The following RIPOR2 variants were observed in gnomAD, a reference collection of about 807,000 sequenced individuals.
The protein encoded by RIPOR2 is rho family-interacting cell polarization regulator 2.
A neutral mutation model predicts 114.5 loss-of-function variants in RIPOR2; 39 were observed. The observed-to-expected ratio is 0.34, with a 90% CI of 0.26 to 0.44. The LOEUF is 0.44. RIPOR2 is among the 20% of genes least tolerant of loss of function. The pLI is 1.00. For synonymous variants in RIPOR2, 445 were observed against 484.4 expected, an observed-to-expected ratio of 0.92 and a Z score of 1.07; for missense variants, 1,007 against 1,255.1, an observed-to-expected ratio of 0.80 and a Z score of 2.99.
chr6:24,934,879 A>T (rs1771653036), intron 1 of RIPOR2, among the ~76,000 whole-genome samples: 1 of 152,188 alleles, frequency 6.6e-6, no homozygotes, highest in Non-Finnish European at 1.5e-5. Context: ...AAGCTGCAAG[A>T]TGAGAACAGA....
chr6:24,810,235 A>G (rs1781055086), intron 20 of RIPOR2, among the ~76,000 whole-genome samples: 1 of 152,156 alleles, frequency 6.6e-6, no homozygotes, highest in South Asian at 2.1e-4. Context: ...CTATATCAGA[A>G]TTTCCTGGGA....
chr6:24,966,909 GTTTC>G (rs1198037572), intron 1 of RIPOR2, among the ~76,000 whole-genome samples: 1 of 152,238 alleles, frequency 6.6e-6, no homozygotes, highest in East Asian at 1.9e-4. Flanking sequence ...ATAGATATTA[GTTTC>G]TTTCTTTATG....
Position 24,806,300 on chromosome 6 carries a change from C to T in RIPOR2, c.*73G>A, listed in dbSNP as rs1780767520. On this transcript the variant is annotated 3_prime_UTR_variant, in exon 22 of 22. Transcript: ENST00000643898. ...TGTCTCTCAGGCTCTAAACAATTTC[C>T]AGCCCAAACCACAGCACCATCCTGA... is the stretch of plus-strand genomic sequence containing the variant. 1.8e-6 allele frequency: 2 copies of T among 1,088,672 alleles called. No individual in the cohort carries two copies. The highest frequency in any genetic ancestry group is 1.6e-5 in the African/African-American group (1 of 63,096). 67.4% of individuals were successfully genotyped at this position (1,088,672 alleles called of 1,614,324 possible).
chr6:24,867,653 T>C (rs951486804), intron 6 of RIPOR2, among the ~76,000 whole-genome samples: 1 of 152,214 alleles, frequency 6.6e-6, no homozygotes, highest in Non-Finnish European at 1.5e-5. Flanking sequence ...TTACTTTGTG[T>C]AGTGAGAAAG....
At chr6:25,013,407 T>G (rs1004274091) in intron 1 of RIPOR2, among the ~76,000 whole-genome samples, 1 of 152,106 alleles carries the variant, frequency 6.6e-6, no homozygotes, top group African/African-American at 2.4e-5. Context: ...AATGAGGCTA[T>G]AGCGGGGTGT....
intron 8 of RIPOR2, among the ~76,000 whole-genome samples, chr6:24,854,275 A>G (rs917528725): frequency 6.6e-6 from 1 of 152,228 alleles, no homozygotes; most frequent in Non-Finnish European, 1.5e-5. Flanking sequence ...AAGAGAGACT[A>G]TCTTATTTAA....
rs1030629115 is a variant in RIPOR2 at position 24,852,522 on chromosome 6, G to A, written c.759+53C>T. The stretch of plus-strand genomic sequence containing the variant: ...AAGCAAAATAATGACATGACAACTG[G>A]CCCCTACCCTTCAGGTCCATAATTC... On this transcript the variant is annotated intron_variant, in intron 9 of 21. Coordinates refer to ENST00000643898, the MANE Select transcript of RIPOR2 (RefSeq NM_001286445.3). 7 of 1,312,888 alleles carry A rather than the reference G, an allele frequency of 5.3e-6. No individual in the cohort carries two copies. The African/African-American group carries it at 8.8e-5, about 16-fold the overall frequency. 81.3% of individuals were successfully genotyped at this position (1,312,888 alleles called of 1,614,324 possible). A position where few individuals can be genotyped will look rare whatever the true frequency, so the allele number is the denominator to read the frequency against.
intron 12 of RIPOR2, chr6:24,847,737 G>T: frequency 1.3e-6 from 2 of 1,514,100 alleles, no homozygotes; most frequent in Non-Finnish European, 1.8e-6. Flanking sequence ...GAAGAATCAG[G>T]TTACTACATT....
At chr6:24,929,742 A>G (rs187742828) in intron 1 of RIPOR2, among the ~76,000 whole-genome samples, 27 of 152,330 alleles carry the variant, frequency 1.8e-4, no homozygotes, top group Non-Finnish European at 2.9e-4. Context: ...AAAATAAATG[A>G]GAAGTTGAAT....
At chr6:24,909,180 A>G (rs1381153211) in intron 1 of RIPOR2, among the ~76,000 whole-genome samples, 1 of 152,216 alleles carries the variant, frequency 6.6e-6, no homozygotes, top group Non-Finnish European at 1.5e-5. Context: ...GGAAGCTAGC[A>G]CAGAAAGCTA....
chr6:24,866,003 A>C (rs190450993), intron 6 of RIPOR2, among the ~76,000 whole-genome samples: 397 of 152,328 alleles, frequency 2.6e-3, no homozygotes, highest in Non-Finnish European at 4.9e-3. Context: ...TCACAATATT[A>C]GGATTTGTAA....
In RIPOR2 at chr6:24,967,909, C is replaced by CCTT. The variant is rs1561814337; in HGVS notation, c.76+73941_76+73942insAAG. On this transcript the variant is annotated intron_variant, in intron 1 of 13. Transcript: ENST00000510784. ...CCTGTCTTGGCTGCAAGATCTCAAT[C>CCTT]TTTTTTTTTTTTTTTTTTTTTTAGA... Among the ~76,000 whole-genome samples the CCTT allele has an allele frequency of 6.5e-5, 8 of 123,518 alleles. 3 individuals carry two copies. The highest frequency in any genetic ancestry group is 6.5e-5 in the African/African-American group (2 of 30,928). The allele number at this position is 123,518 out of a possible 152,430, so 81.0% of individuals were successfully genotyped here.
rs371411914 is a variant in RIPOR2, at chr6:24,902,276, G to A, written c.62-26459C>T. Among the ~76,000 whole-genome samples, 374 of 150,812 alleles carry A rather than the reference G, an allele frequency of 2.5e-3. 2 individuals carry two copies. Among genetic ancestry groups the A allele is most frequent in the African/African-American group, 8.6e-3 (353 of 40,956 alleles). On this transcript the variant is annotated intron_variant, in intron 1 of 21. Transcript: ENST00000643898. ...GTTGCCCAGGCTGGAGTACAGTGGC[G>A]CGATCTTGGCTCACTGCAACCTCCG...
chr6:25,028,170 A>G (rs895437084), intron 1 of RIPOR2, among the ~76,000 whole-genome samples: 34 of 152,208 alleles, frequency 2.2e-4, no homozygotes, highest in African/African-American at 8.0e-4. Context: ...GCGCAGGAAG[A>G]TGCAGTTTCC....
chr6:24,895,185 T>G (rs755808683), intron 1 of RIPOR2, among the ~76,000 whole-genome samples: 1 of 152,174 alleles, frequency 6.6e-6, no homozygotes, highest in Non-Finnish European at 1.5e-5. Flanking sequence ...CCCAAGCAGC[T>G]GGGATTACAG....
chr6:24,995,952 A>G (rs993300273), intron 1 of RIPOR2, among the ~76,000 whole-genome samples: 133 of 151,980 alleles, frequency 8.8e-4, no homozygotes, highest in African/African-American at 2.8e-3. Flanking sequence ...ACAGGCGCCC[A>G]CCACCACACC....
rs2113900555 is a variant in RIPOR2, at chr6:24,875,717, G to A, written c.162C>T (p.Phe54=). ...GIIRSQSFAG[F]SGLQERRSRC... ...TGGATCGCCTTTCCTGGAGGCCGCTGAAACCCGCAAAGGACTGGCTTCTAA... is the reference window on the plus strand; with the variant it reads ...TGGATCGCCTTTCCTGGAGGCCGCTAAAACCCGCAAAGGACTGGCTTCTAA... The change falls in exon 2 of 22, where the codon TTC becomes TTT. Residue 54 remains phenylalanine, a synonymous_variant. Transcript: ENST00000643898. 2 of 1,613,566 alleles carry A rather than the reference G, an allele frequency of 1.2e-6. No individual in the cohort carries two copies. Among genetic ancestry groups the A allele is most frequent in the South Asian group, 1.1e-5 (1 of 90,946 alleles).
upstream of RIPOR2, among the ~76,000 whole-genome samples, chr6:24,939,301 A>G (rs1168665117): frequency 1.3e-5 from 2 of 152,200 alleles, no homozygotes; most frequent in Non-Finnish European, 2.9e-5. Context: ...AAAGTGCAAT[A>G]AACTGTGAAG....
At position 24,849,832 on chromosome 6, in the gene RIPOR2, G is replaced by C; in HGVS notation, c.1004C>G (p.Thr335Ser). 1.9e-6 allele frequency: 3 copies of C among 1,613,854 alleles called. No individual in the cohort carries two copies. In the South Asian group the frequency reaches 3.3e-5, roughly 18 times the overall value. ...GGTGATTTCCAGGTTCAGTTTGATG[G>C]TACCAAGGTCATTGATGTCGACAGC... ...VVAVDINDLG[T>S]IKLNLEITWY... Residue 335 changes from threonine to serine, a missense_variant, in exon 11 of 22, where the codon ACC (threonine) becomes AGC (serine). Physicochemically the swap from Thr to Ser is moderately conservative, Grantham distance 58. Coordinates refer to ENST00000643898, the MANE Select transcript of RIPOR2 (RefSeq NM_001286445.3).
Sources: allele counts gnomAD v4.1 joint callset (sites outside exome capture counted in the v4.1 genomes callset), GRCh38; gene constraint gnomAD v4.1.1; transcripts MANE v1.5; gene names NCBI Gene and HGNC (gene_info 2026-07-23, HGNC 2026-07-21).